Variants in BTBD7 observed in about 807,000 individuals in gnomAD.
BTBD7 encodes the protein BTB/POZ domain-containing protein 7.
BTBD7 carries 38 observed loss-of-function variants against 99.9 expected under a neutral mutation model. That is an observed-to-expected ratio of 0.38 (90% confidence interval 0.29 to 0.50). The LOEUF is 0.50. Among genes scored for constraint, BTBD7 ranks in the 20% least tolerant of loss-of-function variants. The pLI is 0.93. For missense variants in BTBD7, 1,170 were observed against 1,394.6 expected, an observed-to-expected ratio of 0.84 and a Z score of 2.57; for synonymous variants, 520 against 511.4, an observed-to-expected ratio of 1.02 and a Z score of -0.23.
chr14:93,282,328 C>CTT (rs1367297884), intron 3 of BTBD7, among the ~76,000 whole-genome samples: 3 of 143,184 alleles, frequency 2.1e-5, no homozygotes, highest in Non-Finnish European at 1.5e-5. Context: ...AAGAGCAATG[C>CTT]TTTTTTCTTT....
chr14:93,290,545 T>C (rs1198618237), intron 3 of BTBD7, among the ~76,000 whole-genome samples: 1 of 129,898 alleles, frequency 7.7e-6, no homozygotes. Flanking sequence ...TAAGACAAAG[T>C]CTCACTCTAT....
At position 93,245,857 on chromosome 14, in the gene BTBD7, C is replaced by CTGT. The variant is rs780168711; in HGVS notation, c.2548_2550dup (p.Thr850dup). ...TTCTCAGATGCTGCTGCTGCTGCTG[C>CTGT]TGTTGCTGTTGAGGTGGTGGTGGCG... On this transcript the variant is annotated inframe_insertion, in exon 10 of 11. Coordinates refer to ENST00000334746, the MANE Select transcript of BTBD7 (RefSeq NM_001002860.4). 1 of 1,613,152 alleles carries CTGT rather than the reference C, an allele frequency of 6.2e-7. No individual in the cohort carries two copies. Among genetic ancestry groups the CTGT allele is most frequent in the Non-Finnish European group, 8.5e-7 (1 of 1,179,504 alleles).
At chr14:93,315,977 G>A (rs1053551005) in intron 1 of BTBD7, among the ~76,000 whole-genome samples, 11 of 143,102 alleles carry the variant, frequency 7.7e-5, no homozygotes, top group African/African-American at 2.9e-4. Context: ...TTGAGATGGA[G>A]TTTTGCTCTT....
At chr14:93,318,955 G>A (rs2053238991) in intron 1 of BTBD7, among the ~76,000 whole-genome samples, 1 of 152,198 alleles carries the variant, frequency 6.6e-6, no homozygotes, top group African/African-American at 2.4e-5. Flanking sequence ...GGGGGCTCAC[G>A]CCTGTAAACC....
At chr14:93,297,103 T>C (rs960271157) in intron 1 of BTBD7, among the ~76,000 whole-genome samples, 3 of 152,220 alleles carry the variant, frequency 2.0e-5, no homozygotes, top group Non-Finnish European at 2.9e-5. Context: ...AAGAAACCAG[T>C]AGGCAGTTAA....
intron 3 of BTBD7, among the ~76,000 whole-genome samples, chr14:93,285,306 C>T (rs1419928082): frequency 1.3e-5 from 2 of 152,142 alleles, no homozygotes; most frequent in South Asian, 2.1e-4. Context: ...AGGGAAAAAA[C>T]GAGGTCATTG....
At chr14:93,324,358 G>A (rs2053303063) in intron 1 of BTBD7, among the ~76,000 whole-genome samples, 1 of 151,504 alleles carries the variant, frequency 6.6e-6, no homozygotes, top group African/African-American at 2.4e-5. Context: ...AGAGGTCAAG[G>A]TTGGAGTGAG....
intron 1 of BTBD7, among the ~76,000 whole-genome samples, chr14:93,317,470 G>A (rs538517655): frequency 2.6e-5 from 4 of 151,746 alleles, no homozygotes; most frequent in Non-Finnish European, 5.9e-5. Context: ...AGCCTCCCAA[G>A]TAGCTGAGAC....
Position 93,294,296 on chromosome 14 carries a change from C to A in BTBD7, c.724G>T (p.Asp242Tyr). ...ACGACATCATAATAACACATGTAAT[C>A]AAAGAGTCCACGCATATCTACATCA... The part of the protein sequence containing the change: ...SLDVDMRGLF[D>Y]YMCYYDVVLS... The change falls in exon 3 of 11, where the codon GAT becomes TAT. Residue 242 changes from aspartate to tyrosine, a missense_variant. Coordinates refer to ENST00000334746, the MANE Select transcript of BTBD7 (RefSeq NM_001002860.4). 1 of 1,614,136 alleles carries A rather than the reference C, an allele frequency of 6.2e-7. No individual in the cohort carries two copies.
chr14:93,295,072 G>C, intron 2 of BTBD7, 135 bp from the exon 3 acceptor site: 1 of 867,108 alleles, frequency 1.2e-6, no homozygotes, highest in African/African-American at 1.7e-5. Flanking sequence ...TTTTTATAAA[G>C]GAAGACAAAA....
intron 1 of BTBD7, among the ~76,000 whole-genome samples, chr14:93,314,002 T>G (rs1355550593): frequency 1.3e-5 from 2 of 152,128 alleles, no homozygotes; most frequent in Admixed American, 6.6e-5. Context: ...TGCCTCAGCT[T>G]TGCAAAGCAC....
intron 3 of BTBD7, among the ~76,000 whole-genome samples, chr14:93,289,872 T>G (rs77284449): frequency 7.1e-6 from 1 of 140,160 alleles, no homozygotes; most frequent in African/African-American, 3.0e-5. Flanking sequence ...TTTTTTTTTT[T>G]GGAGACAGAG....
In BTBD7 at chr14:93,305,441, C is replaced by T. The variant is rs541318018; in HGVS notation, c.-106-9284G>A. Among the ~76,000 whole-genome samples the T allele has an allele frequency of 2.6e-5, 4 of 152,254 alleles. No individual in the cohort carries two copies. In the South Asian group the frequency reaches 8.3e-4, roughly 32 times the overall value. On this transcript the variant is annotated intron_variant, in intron 1 of 10. Coordinates refer to ENST00000334746, the MANE Select transcript of BTBD7 (RefSeq NM_001002860.4). ...TTTGAGAACGTTTAGCTATAAAAGA[C>T]CCTCTCTGTAAGAGACATCAACAAG... is the stretch of plus-strand genomic sequence containing the variant.
chr14:93,263,716 AATAGAGC>A, intron 4 of BTBD7, 62 bp downstream of exon 4: 1 of 1,423,494 alleles, frequency 7.0e-7, no homozygotes, highest in Non-Finnish European at 9.9e-7. Flanking sequence ...ATGGAAGAGT[AATAGAGC>A]ATAGATGGGT....
intron 1 of BTBD7, among the ~76,000 whole-genome samples, chr14:93,310,770 CTTT>C (rs56756515): frequency 6.9e-5 from 8 of 116,666 alleles, no homozygotes; most frequent in African/African-American, 2.2e-4. Context: ...AACCAAAAAA[CTTT>C]TTTTTTTTTT....
In BTBD7 at chr14:93,237,812, T is replaced by C. The variant is rs2052177515; in HGVS notation, c.*4461A>G. ...AACAAGTTTTACAAAGTACTGGTTA[T>C]GCAGGTTGTAGAAAACACTTGCATA... is the stretch of plus-strand genomic sequence containing the variant. On this transcript the variant is annotated 3_prime_UTR_variant, in exon 11 of 11. Transcript: ENST00000334746. 1 of 152,702 alleles carries C rather than the reference T, an allele frequency of 6.5e-6. No homozygotes were observed. The highest frequency in any genetic ancestry group is 6.5e-5 in the Admixed American group (1 of 15,284). 9.5% of individuals were successfully genotyped at this position (152,702 alleles called of 1,614,324 possible).
At chr14:93,255,971 CTTTT>C (rs945054442) in intron 6 of BTBD7, 1 of 152,062 alleles carries the variant, frequency 6.6e-6, no homozygotes, top group Non-Finnish European at 1.5e-5. Flanking sequence ...ACAAATATTT[CTTTT>C]TTTAAGTTTT....
At chr14:93,300,260 T>C (rs2052979021) in intron 1 of BTBD7, among the ~76,000 whole-genome samples, 1 of 143,248 alleles carries the variant, frequency 7.0e-6, no homozygotes, top group Non-Finnish European at 1.5e-5. Flanking sequence ...CTTTGTTCTT[T>C]TTTTTTTTTT....
intron 3 of BTBD7, among the ~76,000 whole-genome samples, chr14:93,268,840 C>T (rs1024873673): frequency 6.7e-6 from 1 of 149,814 alleles, no homozygotes; most frequent in African/African-American, 2.4e-5. Flanking sequence ...CTCACTACAA[C>T]CACCACCTCC....
Sources: gnomAD v4.1 joint callset for allele counts (sites outside exome capture counted in the v4.1 genomes callset) on GRCh38, gnomAD v4.1.1 for gene constraint, MANE v1.5 for transcripts, NCBI Gene and HGNC (gene_info 2026-07-23, HGNC 2026-07-21) for gene names.